The following SUPT4H1 variants were observed in gnomAD, a reference collection of about 807,000 sequenced individuals.
SUPT4H1 encodes transcription elongation factor SPT4.
Under a neutral mutation model 19.4 loss-of-function variants are expected in SUPT4H1, and 12 were observed. The ratio of observed to expected loss-of-function variants is 0.62; its 90% CI spans 0.40 to 1.00. SUPT4H1 has a LOEUF of 1.00. Among genes scored for constraint, SUPT4H1 ranks in the 50% least tolerant of loss-of-function variants. The pLI, the probability that SUPT4H1 is intolerant of heterozygous loss-of-function variation, is 0.00. For synonymous variants in SUPT4H1, 58 were observed against 56.3 expected (o/e 1.03, Z -0.14); for missense variants, 115 against 149.2 (o/e 0.77, Z 1.19).
intron 1 of SUPT4H1, 122 bp downstream of exon 1, chr17:58,351,945 C>T (rs533656815): frequency 4.2e-5 from 44 of 1,037,950 alleles, no homozygotes; most frequent in Non-Finnish European, 5.6e-5. Flanking sequence ...GCTTCTCACT[C>T]CCCCTGCCAC....
intron 1 of SUPT4H1, 125 bp downstream of exon 1, chr17:58,351,942 A>C: frequency 9.9e-7 from 1 of 1,006,316 alleles, no homozygotes; most frequent in Non-Finnish European, 1.5e-6. Context: ...TCGGCTTCTC[A>C]CTCCCCCTGC....
chr17:58,351,586 C>T (rs1041285039), intron 1 of SUPT4H1, 78 bp from the exon 2 acceptor site: 22 of 932,004 alleles, frequency 2.4e-5, no homozygotes, highest in Non-Finnish European at 3.5e-5. Flanking sequence ...TTTCTCAATA[C>T]TTCGACCTGC....
chr17:58,352,193 GAAGTA>G lies in SUPT4H1; in HGVS notation c.-63_-59del. ...ACGACCACAGCCTGTGCACCCGCAGGAAGTAAATAGCTCGTTACCCAGAATGCCCA... is the reference window on the plus strand; with the variant it reads ...ACGACCACAGCCTGTGCACCCGCAGGAATAGCTCGTTACCCAGAATGCCCA... On this transcript the variant is annotated 5_prime_UTR_variant, in exon 1 of 5. Coordinates refer to ENST00000225504, the MANE Select transcript of SUPT4H1 (RefSeq NM_003168.3). 1.3e-6 allele frequency: 2 copies of G among 1,538,266 alleles called. No homozygotes were observed. Among genetic ancestry groups the G allele is most frequent in the Non-Finnish European group, 1.8e-6 (2 of 1,113,366 alleles).
chr17:58,351,369 C>T, intron 2 of SUPT4H1, 33 bp downstream of exon 2: 2 of 1,493,890 alleles, frequency 1.3e-6, no homozygotes, highest in African/African-American at 1.4e-5. Context: ...TTGGGTAATG[C>T]AGAAGTGAAT....
intron 2 of SUPT4H1, among the ~76,000 whole-genome samples, chr17:58,348,025 C>T (rs753975770): frequency 9.2e-5 from 14 of 152,174 alleles, no homozygotes; most frequent in African/African-American, 3.1e-4. Context: ...CATATGGGGA[C>T]CCCTCTAATG....
At chr17:58,351,941 C>T (rs1972540897) in intron 1 of SUPT4H1, 126 bp downstream of exon 1, 2 of 1,002,348 alleles carry the variant, frequency 2.0e-6, no homozygotes, top group Admixed American at 4.5e-5. Flanking sequence ...TTCGGCTTCT[C>T]ACTCCCCCTG....
At chr17:58,347,374 A>C in intron 3 of SUPT4H1, 133 bp from the exon 4 acceptor site, 1 of 1,337,052 alleles carries the variant, frequency 7.5e-7, no homozygotes, top group Non-Finnish European at 1.1e-6. Context: ...CAAGTGTTAA[A>C]TGACAAGGCA....
At position 58,346,235 on chromosome 17, in the gene SUPT4H1, C is replaced by T. The variant is rs772517023; in HGVS notation, c.*11G>A. The stretch of plus-strand genomic sequence containing the variant: ...GGTGGAGAGCAAAGATGCTGGCAGC[C>T]TTGCATCTTGCTAGGTCTTTATAGC... On this transcript the variant is annotated 3_prime_UTR_variant, in exon 5 of 5. Transcript: ENST00000225504. The T allele has an allele frequency of 3.1e-6, 5 of 1,612,914 alleles. No homozygotes were observed. In the East Asian group the frequency reaches 8.9e-5, roughly 29 times the overall value.
chr17:58,346,364 A>G, intron 4 of SUPT4H1, 51 bp from the exon 5 acceptor site: 2 of 1,522,416 alleles, frequency 1.3e-6, no homozygotes, highest in South Asian at 2.2e-5. Flanking sequence ...GAAGGGTAAG[A>G]TAGGCCACTC....
Position 58,346,292 on chromosome 17 carries a change from C to A in SUPT4H1, c.308G>T (p.Ser103Ile), listed in dbSNP as rs1972284766. Residue 103 changes from serine to isoleucine, a missense_variant, in exon 5 of 5, where the codon AGT (serine) becomes ATT (isoleucine). Coordinates refer to ENST00000225504, the MANE Select transcript of SUPT4H1 (RefSeq NM_003168.3). ...TCTGGATTTGTAGGCCACTCCTCGA[C>A]TTTTCAGCTCCCGCACGATTCCTGA... The part of the protein sequence containing the change: ...LPQGIVRELK[S>I]RGVAYKSRDT... The A allele has an allele frequency of 6.2e-7, 1 of 1,614,116 alleles. No homozygotes were observed. Among genetic ancestry groups the A allele is most frequent in the African/African-American group, 1.3e-5 (1 of 75,024 alleles).
intron 2 of SUPT4H1, among the ~76,000 whole-genome samples, chr17:58,349,891 G>A (rs1387185172): frequency 6.6e-6 from 1 of 152,230 alleles, no homozygotes; most frequent in East Asian, 1.9e-4. Context: ...AGAACGAGGA[G>A]CTAGTGTTTA....
intron 2 of SUPT4H1, 168 bp from the exon 3 acceptor site, chr17:58,347,752 G>T: frequency 1.5e-6 from 1 of 663,444 alleles, no homozygotes; most frequent in Non-Finnish European, 2.7e-6. Flanking sequence ...ACTGACAAAA[G>T]TTCTTCATTC....
At chr17:58,350,190 G>GCAGAGAACTGCTTGAACC (rs1273137163) in intron 2 of SUPT4H1, among the ~76,000 whole-genome samples, 7 of 152,146 alleles carry the variant, frequency 4.6e-5, no homozygotes, top group Non-Finnish European at 7.4e-5. Flanking sequence ...GGAGGCTGAG[G>GCAGAGAACTGCTTGAACC]TAGGAGGCGG....
At position 58,351,405 on chromosome 17, in the gene SUPT4H1, T is replaced by A; in HGVS notation, c.173A>T (p.Asp58Val). 1 of 1,610,006 alleles carries A rather than the reference T, an allele frequency of 6.2e-7. No homozygotes were observed. Among genetic ancestry groups the A allele is most frequent in the Non-Finnish European group, 8.5e-7 (1 of 1,177,038 alleles). ...MVYDCTSSSF[D>V]GIIAMMSPED... is the part of the protein sequence containing the mutation. ...GATGGAAACTGAAGCGGCTTACCCA[T>A]CAAAGGAAGAGCTAGTGCAGTCATA... The change falls in exon 2 of 5, where the codon GAT becomes GTT. Residue 58 changes from aspartate (D) to valine (V), a missense_variant. Transcript: ENST00000225504.
intron 4 of SUPT4H1, among the ~76,000 whole-genome samples, chr17:58,346,954 A>C (rs1274881226): frequency 6.6e-6 from 1 of 152,124 alleles, no homozygotes; most frequent in Non-Finnish European, 1.5e-5. Context: ...TCTCTAAAAA[A>C]AATAAAAAAC....
intron 2 of SUPT4H1, 74 bp from the exon 3 acceptor site, chr17:58,347,658 A>C: frequency 6.7e-7 from 1 of 1,487,620 alleles, no homozygotes; most frequent in Non-Finnish European, 9.4e-7. Flanking sequence ...AGAGGAATCT[A>C]GGAAAAAGCC....
intron 1 of SUPT4H1, 137 bp downstream of exon 1, chr17:58,351,930 C>T (rs1402338603): frequency 2.3e-6 from 2 of 883,814 alleles, no homozygotes; most frequent in African/African-American, 1.7e-5. Flanking sequence ...CGATGGCCTC[C>T]TTCGGCTTCT....
At chr17:58,347,104 T>C in intron 4 of SUPT4H1, 84 bp downstream of exon 4, 1 of 1,344,554 alleles carries the variant, frequency 7.4e-7, no homozygotes, top group Non-Finnish European at 1.1e-6. Context: ...CCTCATAGAA[T>C]GTGAGAATTG....
intron 1 of SUPT4H1, 180 bp downstream of exon 1, chr17:58,351,887 C>G (rs1220248562): frequency 6.2e-6 from 4 of 648,078 alleles, no homozygotes; most frequent in Admixed American, 2.8e-5. Flanking sequence ...CTGCCCTCAG[C>G]TGCAAGACCT....
Sources: allele counts gnomAD v4.1 joint callset (sites outside exome capture counted in the v4.1 genomes callset), GRCh38; gene constraint gnomAD v4.1.1; transcripts MANE v1.5; gene names NCBI Gene and HGNC (gene_info 2026-07-23, HGNC 2026-07-21).